Variants in EPB41L4B observed in about 807,000 individuals in gnomAD.
EPB41L4B encodes the protein band 4.1-like protein 4B.
Under a neutral mutation model 112.5 loss-of-function variants are expected in EPB41L4B, and 30 were observed. The ratio of observed to expected loss-of-function variants is 0.27; its 90% CI spans 0.20 to 0.36. The LOEUF is 0.36. Among genes scored for constraint, EPB41L4B ranks in the 10% least tolerant of loss-of-function variants. EPB41L4B has a pLI of 1.00. For synonymous variants in EPB41L4B, 408 were observed against 439.7 expected, an observed-to-expected ratio of 0.93 and a Z score of 0.90; for missense variants, 1,024 against 1,133.3, an observed-to-expected ratio of 0.90 and a Z score of 1.38.
At chr9:109,194,782 C>T (rs539039931) in intron 20 of EPB41L4B, among the ~76,000 whole-genome samples, 48 of 152,276 alleles carry the variant, frequency 3.2e-4, no homozygotes, top group African/African-American at 9.9e-4. Flanking sequence ...TGATATTGAA[C>T]GATAACTCCC....
intron 14 of EPB41L4B, among the ~76,000 whole-genome samples, chr9:109,247,244 C>A (rs6477697): frequency 0.92 from 140,278 of 151,654 alleles, 65,032 homozygotes; most frequent in East Asian, 1. Context: ...GGAAACAATA[C>A]ATTTAAAAAA....
rs572914685 is a variant in EPB41L4B at position 109,185,496 on chromosome 9, G to A, written c.2411C>T (p.Thr804Met). ...CCCTGCCAGGGTACCTACCAGCCTC[G>A]TTTTGATTGGAGGGTACATGCAAAC... ...TGVCMYPPIK[T>M]RLIKTFPVDT... The change falls in exon 23 of 26, where the codon ACG becomes ATG. Residue 804 changes from threonine (T) to methionine (M), a missense_variant. Coordinates refer to ENST00000374566, the MANE Select transcript of EPB41L4B (RefSeq NM_019114.5). 21 of 1,613,734 alleles carry A rather than the reference G, an allele frequency of 1.3e-5. No homozygotes were observed. In the East Asian group the frequency reaches 2.7e-4, roughly 21 times the overall value.
At chr9:109,240,897 A>C (rs768195730) in intron 15 of EPB41L4B, 1 of 985,474 alleles carries the variant, frequency 1.0e-6, no homozygotes, top group Non-Finnish European at 1.2e-6. Flanking sequence ...ATACTTGAGC[A>C]GCAAATTCGA....
chr9:109,289,786 T>C (rs920604792), intron 1 of EPB41L4B, among the ~76,000 whole-genome samples: 1 of 152,250 alleles, frequency 6.6e-6, no homozygotes, highest in Non-Finnish European at 1.5e-5. Context: ...AGTCCTAGGT[T>C]AGAAAACAAC....
chr9:109,232,675 A>G (rs1337694926), intron 15 of EPB41L4B, among the ~76,000 whole-genome samples: 2 of 152,240 alleles, frequency 1.3e-5, no homozygotes, highest in East Asian at 1.9e-4. Context: ...GGTTAGATGA[A>G]TAAGATGCAT....
At chr9:109,181,123 C>T (rs139537985) in intron 24 of EPB41L4B, among the ~76,000 whole-genome samples, 1,582 of 152,194 alleles carry the variant, frequency 0.01, 31 homozygotes, top group African/African-American at 0.036. Context: ...GAGATCCTCC[C>T]GCCTCAGCCT....
chr9:109,294,403 GC>G (rs1190552167), intron 1 of EPB41L4B, among the ~76,000 whole-genome samples: 1 of 152,070 alleles, frequency 6.6e-6, no homozygotes, highest in Non-Finnish European at 1.5e-5. Flanking sequence ...GAATGCTTGA[GC>G]CCAGGAGTTT....
At chr9:109,210,260 G>A (rs752103727) in intron 17 of EPB41L4B, among the ~76,000 whole-genome samples, 6 of 152,118 alleles carry the variant, frequency 3.9e-5, no homozygotes, top group Non-Finnish European at 5.9e-5. Flanking sequence ...TGAAAGGTGA[G>A]GTTTACAGTA....
chr9:109,293,645 A>C (rs1229252991), intron 1 of EPB41L4B, among the ~76,000 whole-genome samples: 3 of 149,594 alleles, frequency 2.0e-5, no homozygotes, highest in African/African-American at 5.1e-5. Flanking sequence ...TGGCCTCCTA[A>C]AGTGCTGAGA....
At chr9:109,216,527 G>C (rs995247596) in intron 16 of EPB41L4B, among the ~76,000 whole-genome samples, 1 of 151,702 alleles carries the variant, frequency 6.6e-6, no homozygotes, top group Non-Finnish European at 1.5e-5. Context: ...TATAATCTCA[G>C]CTACTCGGGA....
At chr9:109,224,892 C>T (rs1402148638) in intron 15 of EPB41L4B, among the ~76,000 whole-genome samples, 1 of 152,162 alleles carries the variant, frequency 6.6e-6, no homozygotes, top group East Asian at 1.9e-4. Flanking sequence ...GACCAGGTCA[C>T]ACAGCAGGTA....
chr9:109,280,653 G>T (rs1588204430), intron 1 of EPB41L4B, among the ~76,000 whole-genome samples: 1 of 152,138 alleles, frequency 6.6e-6, no homozygotes, highest in Non-Finnish European at 1.5e-5. Flanking sequence ...GTCTGAATGA[G>T]AAACCACCAC....
chr9:109,297,584 C>T (rs928663570), intron 1 of EPB41L4B, among the ~76,000 whole-genome samples: 2 of 152,232 alleles, frequency 1.3e-5, no homozygotes, highest in African/African-American at 4.8e-5. Flanking sequence ...TGTCCACCGG[C>T]AAAGCCAGGG....
intron 15 of EPB41L4B, among the ~76,000 whole-genome samples, chr9:109,227,653 C>A (rs1017647530): frequency 9.9e-5 from 15 of 151,872 alleles, no homozygotes; most frequent in Non-Finnish European, 2.2e-4. Context: ...GTGATCTCGG[C>A]TCACTGCAAC....
At chr9:109,312,157 A>C (rs1564338746) in intron 1 of EPB41L4B, among the ~76,000 whole-genome samples, 2 of 152,218 alleles carry the variant, frequency 1.3e-5, no homozygotes, top group African/African-American at 2.4e-5. Flanking sequence ...AAAAGAAAAA[A>C]ATGTTTTAAA....
chr9:109,309,456 G>T (rs1837333541), intron 1 of EPB41L4B, among the ~76,000 whole-genome samples: 1 of 152,188 alleles, frequency 6.6e-6, no homozygotes, highest in South Asian at 2.1e-4. Flanking sequence ...TTCCACCGAG[G>T]TGACCTCAGA....
At chr9:109,276,152 TATACACACACAC>T (rs1328867735) in intron 2 of EPB41L4B, among the ~76,000 whole-genome samples, 3 of 119,728 alleles carry the variant, frequency 2.5e-5, no homozygotes, top group South Asian at 2.9e-4. Context: ...TACGTGTGTG[TATACACACACAC>T]ACACACACAC....
chr9:109,232,364 T>A (rs1833984167), intron 15 of EPB41L4B, among the ~76,000 whole-genome samples: 1 of 152,140 alleles, frequency 6.6e-6, no homozygotes, highest in African/African-American at 2.4e-5. Flanking sequence ...TATTCTGTTT[T>A]TTCAGGTGGC....
chr9:109,280,017 T>C lies in EPB41L4B; in HGVS notation c.307-96A>G, dbSNP rs1473374606. The C allele has an allele frequency of 2.1e-5, 18 of 844,584 alleles. No individual in the cohort carries two copies. In the Admixed American group the frequency reaches 3.2e-4, roughly 15 times the overall value. 52.3% of individuals were successfully genotyped at this position (844,584 alleles called of 1,614,324 possible). ...AACCTACTTCTCTTTGTAAATTGCA[T>C]ACATGTCAGCACACACAAATTTTTA... On this transcript the variant is annotated intron_variant, in intron 1 of 25. Coordinates refer to ENST00000374566, the MANE Select transcript of EPB41L4B (RefSeq NM_019114.5).
Sources: allele counts gnomAD v4.1 joint callset (sites outside exome capture counted in the v4.1 genomes callset), GRCh38; gene constraint gnomAD v4.1.1; transcripts MANE v1.5; gene names NCBI Gene and HGNC (gene_info 2026-07-23, HGNC 2026-07-21).